EPHB2: variants seen among roughly 807,000 people sequenced by gnomAD.
The protein encoded by EPHB2 is ephrin type-B receptor 2.
In EPHB2, 18 loss-of-function variants were observed where a neutral mutation model predicts 96.4. The observed-to-expected ratio is 0.19, with a 90% CI of 0.13 to 0.28. The LOEUF is 0.28. Ranked by LOEUF, EPHB2 falls within the 10% of genes least tolerant of loss-of-function variation. The probability of loss-of-function intolerance (pLI) is 1.00; values close to 1 mark genes in which losing one functional copy is unlikely to be tolerated. For synonymous variants in EPHB2, 506 were observed against 534.1 expected (o/e 0.95, Z 0.72); for missense variants, 989 against 1,355.4 (o/e 0.73, Z 4.25).
chr1:22,749,022 CTT>C (rs201142300), intron 1 of EPHB2, among the ~76,000 whole-genome samples: 3 of 143,568 alleles, frequency 2.1e-5, no homozygotes, highest in African/African-American at 5.1e-5. Flanking sequence ...TACTTTGTGG[CTT>C]TTTTTTTTTC....
At chr1:22,716,236 A>G (rs1053300168) in intron 1 of EPHB2, among the ~76,000 whole-genome samples, 1 of 152,202 alleles carries the variant, frequency 6.6e-6, no homozygotes, top group African/African-American at 2.4e-5. Flanking sequence ...GTTCACCCTG[A>G]AATTGTCATA....
intron 1 of EPHB2, 96 bp from the exon 2 acceptor site, chr1:22,781,318 TAAAAAAA>T: frequency 7.9e-6 from 7 of 891,532 alleles, no homozygotes; most frequent in Middle Eastern, 3.2e-4. Flanking sequence ...AGACTCCGTC[TAAAAAAA>T]AAAAAAAAAA....
rs568132131 is a variant in EPHB2, at chr1:22,877,492, T to TG, written c.1304-4865dup. 2.4e-4 allele frequency among the ~76,000 whole-genome samples: 36 copies of TG among 152,258 alleles called. No homozygotes were observed. The South Asian group carries it at 7.5e-3, about 32-fold the overall frequency. On this transcript the variant is annotated intron_variant, in intron 5 of 15. Transcript: ENST00000374630. Reference sequence around the variant, plus strand: ...GTTGCCACCCCTACTAGTCCTTCTGTGGCTCCCCAGTGCCTCAGGACTGGA... The same window carrying TG: ...GTTGCCACCCCTACTAGTCCTTCTGTGGGCTCCCCAGTGCCTCAGGACTGGA...
intron 1 of EPHB2, among the ~76,000 whole-genome samples, chr1:22,738,675 G>A (rs538598556): frequency 1.4e-4 from 22 of 152,308 alleles, no homozygotes; most frequent in African/African-American, 4.6e-4. Context: ...TGGAGCCCAT[G>A]TGCTGTTATT....
rs932137805 is a variant in EPHB2 at position 22,916,614 on chromosome 1, C to T, written c.*3044C>T. The T allele has an allele frequency of 5.3e-5, 8 of 152,144 alleles. No homozygotes were observed. Among genetic ancestry groups the T allele is most frequent in the African/African-American group, 1.9e-4 (8 of 41,406 alleles). 9.4% of individuals were successfully genotyped at this position (152,144 alleles called of 1,614,324 possible). A position where few individuals can be genotyped will look rare whatever the true frequency, so the allele number is the denominator to read the frequency against. The stretch of plus-strand genomic sequence containing the variant: ...AAGCGCCTTCCACTTACACCACCCG[C>T]TCACCCAGGCACACAGCTCTGAGCC... On this transcript the variant is annotated 3_prime_UTR_variant, in exon 16 of 16. Transcript: ENST00000374630. The surrounding 1 kb of genome is among the most constrained non-coding windows in gnomAD (Gnocchi z 4.2).
Position 22,920,016 on chromosome 1 carries a change from G to T in EPHB2, c.*6446G>T, listed in dbSNP as rs1226565148. The stretch of plus-strand genomic sequence containing the variant: ...AGCAAGAAAGAGAGAAAGAGATGGG[G>T]AGGGAGACAGCTGAAAACAGATACT... On this transcript the variant is annotated 3_prime_UTR_variant, in exon 16 of 16. Transcript: ENST00000374630. 1 of 151,800 alleles carries T rather than the reference G, an allele frequency of 6.6e-6. No homozygotes were observed. The highest frequency in any genetic ancestry group is 1.5e-5 in the Non-Finnish European group (1 of 68,018). The allele number at this position is 151,800 out of a possible 1,614,324, so 9.4% of individuals were successfully genotyped here.
At chr1:22,839,420 A>G (rs940192125) in intron 3 of EPHB2, among the ~76,000 whole-genome samples, 1 of 152,208 alleles carries the variant, frequency 6.6e-6, no homozygotes, top group African/African-American at 2.4e-5. Flanking sequence ...GTATCCACCA[A>G]AGATGAGTAA....
intron 1 of EPHB2, among the ~76,000 whole-genome samples, chr1:22,735,897 C>A (rs890512219): frequency 6.6e-6 from 1 of 152,176 alleles, no homozygotes; most frequent in African/African-American, 2.4e-5. Flanking sequence ...CCTGTGCACC[C>A]CTCAGGACCG....
chr1:22,878,997 A>C (rs1379777151), intron 5 of EPHB2, among the ~76,000 whole-genome samples: 1 of 152,084 alleles, frequency 6.6e-6, no homozygotes, highest in African/African-American at 2.4e-5. Context: ...CACCCTTCAC[A>C]CATCCCTCCC....
chr1:22,871,971 G>A (rs764626264), intron 5 of EPHB2, among the ~76,000 whole-genome samples: 10 of 151,484 alleles, frequency 6.6e-5, no homozygotes, highest in Non-Finnish European at 8.8e-5. Context: ...AGCAGAGATC[G>A]TGCCATTGCA....
chr1:22,798,325 C>A (rs185398428), intron 3 of EPHB2, among the ~76,000 whole-genome samples: 1 of 152,204 alleles, frequency 6.6e-6, no homozygotes, highest in Admixed American at 6.5e-5. Context: ...GGGCGCCCCA[C>A]AGGTCTGTCT....
chr1:22,869,553 G>T (rs755869746), intron 5 of EPHB2, among the ~76,000 whole-genome samples: 2 of 151,972 alleles, frequency 1.3e-5, no homozygotes, highest in Non-Finnish European at 2.9e-5. Flanking sequence ...TTGAAGAATG[G>T]AGAGGCTTCT....
intron 13 of EPHB2, among the ~76,000 whole-genome samples, chr1:22,909,508 A>G (rs995062348): frequency 1.8e-4 from 27 of 152,200 alleles, no homozygotes; most frequent in African/African-American, 6.5e-4. Flanking sequence ...TATTCAGGGA[A>G]CCAGATGTTA....
intron 1 of EPHB2, among the ~76,000 whole-genome samples, chr1:22,724,425 G>A (rs936291618): frequency 2.6e-5 from 4 of 152,088 alleles, no homozygotes; most frequent in East Asian, 1.9e-4. Flanking sequence ...TATTGGCAGC[G>A]ACCAGGAAGA....
At chr1:22,812,561 G>T (rs558566330) in intron 3 of EPHB2, among the ~76,000 whole-genome samples, 42 of 152,210 alleles carry the variant, frequency 2.8e-4, no homozygotes, top group Non-Finnish European at 5.3e-4. Flanking sequence ...GACGTTGCCT[G>T]TGAAGGCAGG....
At chr1:22,749,177 C>G (rs1018741276) in intron 1 of EPHB2, among the ~76,000 whole-genome samples, 18 of 151,920 alleles carry the variant, frequency 1.2e-4, no homozygotes, top group Admixed American at 3.3e-4. Flanking sequence ...GGTGCCACCA[C>G]GCCTAGCTCA....
chr1:22,753,462 T>C (rs79895164), intron 1 of EPHB2, among the ~76,000 whole-genome samples: 9,721 of 152,138 alleles, frequency 0.064, 865 homozygotes, highest in African/African-American at 0.2. Flanking sequence ...CTTTGGTGGA[T>C]ATCCAAAGTC....
chr1:22,853,435 C>T (rs1181857064), intron 3 of EPHB2, among the ~76,000 whole-genome samples: 1 of 152,232 alleles, frequency 6.6e-6, no homozygotes, highest in Non-Finnish European at 1.5e-5. Flanking sequence ...TGCTCACAGC[C>T]TCCTAGGAGA....
At chr1:22,908,228 A>G (rs1639979896) in intron 12 of EPHB2, 60 bp downstream of exon 12, 1 of 1,592,750 alleles carries the variant, frequency 6.3e-7, no homozygotes, top group Non-Finnish European at 8.6e-7. Flanking sequence ...ATGAGTGTCC[A>G]TCTCTCCCTG....
Sources: allele counts gnomAD v4.1 joint callset (sites outside exome capture counted in the v4.1 genomes callset), GRCh38; gene constraint gnomAD v4.1.1; non-coding constraint Gnocchi (gnomAD v3.1); transcripts MANE v1.5; gene names NCBI Gene and HGNC (gene_info 2026-07-23, HGNC 2026-07-21).